TMEM184B: variants seen among roughly 807,000 people sequenced by gnomAD.
The protein encoded by TMEM184B is transmembrane protein 184B.
Under a neutral mutation model 41.8 loss-of-function variants are expected in TMEM184B, and 17 were observed. That is an observed-to-expected ratio of 0.41 (90% CI 0.28 to 0.61). The LOEUF (loss-of-function observed/expected upper bound fraction) is 0.61, where lower values mean the gene tolerates loss of function less well. TMEM184B is among the 20% of genes least tolerant of loss of function. TMEM184B has a pLI of 0.34. For synonymous variants in TMEM184B, 240 were observed against 229.5 expected, an observed-to-expected ratio of 1.05 and a Z score of -0.41; for missense variants, 393 against 557.8, an observed-to-expected ratio of 0.70 and a Z score of 2.98.
intron 1 of TMEM184B, among the ~76,000 whole-genome samples, chr22:38,265,119 C>T (rs1322711392): frequency 6.6e-6 from 1 of 152,216 alleles, no homozygotes. Flanking sequence ...TAGGACCCCA[C>T]ATGCTCTGGG....
chr22:38,270,609 C>G (rs568718776), intron 1 of TMEM184B, among the ~76,000 whole-genome samples: 1 of 152,276 alleles, frequency 6.6e-6, no homozygotes, highest in African/African-American at 2.4e-5. Flanking sequence ...TCGGTGAGTG[C>G]TTACTACCCG....
At position 38,220,432 on chromosome 22, in the gene TMEM184B, G is replaced by A. The variant is rs2091226341; in HGVS notation, c.*1037C>T. The A allele has an allele frequency of 1.0e-6, 1 of 985,884 alleles. No individual in the cohort carries two copies. Among genetic ancestry groups the A allele is most frequent in the Non-Finnish European group, 1.2e-6 (1 of 829,966 alleles). The allele number at this position is 985,884 out of a possible 1,614,324, so 61.1% of individuals were successfully genotyped here. On this transcript the variant is annotated 3_prime_UTR_variant, in exon 9 of 9. Transcript: ENST00000361906. Reference sequence around the variant, plus strand: ...CAGATGGGGTAGAACACCAGGCCCTGTGTGGATAGGGGCCCCGAGAGGAGT... The same window carrying A: ...CAGATGGGGTAGAACACCAGGCCCTATGTGGATAGGGGCCCCGAGAGGAGT...
At chr22:38,252,267 C>T (rs575102217) in intron 1 of TMEM184B, among the ~76,000 whole-genome samples, 3 of 152,220 alleles carry the variant, frequency 2.0e-5, no homozygotes, top group African/African-American at 7.2e-5. Flanking sequence ...TACCATGTTA[C>T]TCACGCTGGT....
Position 38,225,529 on chromosome 22 carries a change from C to A in TMEM184B, c.682G>T (p.Ala228Ser). The change falls in exon 7 of 9, where the codon GCC (alanine) becomes TCC (serine). Residue 228 changes from alanine (A) to serine (S), a missense_variant. Around this residue, in one of 2 missense-constraint regions of TMEM184B, gnomAD observed 271 missense variants for 434.1 expected, o/e 0.62. Transcript: ENST00000361906. The surrounding 1 kb of genome is among the most constrained non-coding windows in gnomAD (Gnocchi z 4.4). ...GTGGCGAAGTAGAAGAGGAAGAGGG[C>A]GTAGAGGGCCAGGCTGACGGAGATG... ...YNISVSLALY[A>S]LFLFYFATRE... 6.2e-7 allele frequency: 1 copy of A among 1,602,654 alleles called. No individual in the cohort carries two copies. The highest frequency in any genetic ancestry group is 8.5e-7 in the Non-Finnish European group (1 of 1,175,574).
In TMEM184B at chr22:38,225,500, C is replaced by G; in HGVS notation, c.711G>C (p.Arg237=). ...YALFLFYFAT[R]ELLSPYSPVL... Reference sequence around the variant, plus strand: ...CGGGGCTGTAGGGGCTGAGCAGCTCCCGGGTGGCGAAGTAGAAGAGGAAGA... The same window carrying G: ...CGGGGCTGTAGGGGCTGAGCAGCTCGCGGGTGGCGAAGTAGAAGAGGAAGA... Residue 237 remains arginine, a synonymous_variant, in exon 7 of 9, where the codon CGG becomes CGC. Coordinates refer to ENST00000361906, the MANE Select transcript of TMEM184B (RefSeq NM_012264.5). The surrounding 1 kb of genome is among the most constrained non-coding windows in gnomAD (Gnocchi z 4.4). 6.3e-7 allele frequency: 1 copy of G among 1,597,680 alleles called. No homozygotes were observed. Among genetic ancestry groups the G allele is most frequent in the Non-Finnish European group, 8.5e-7 (1 of 1,174,276 alleles).
intron 3 of TMEM184B, among the ~76,000 whole-genome samples, chr22:38,241,903 A>AAAAAAAAAAAAAAAAAAAAC (rs2091917714): frequency 2.0e-5 from 3 of 149,884 alleles, no homozygotes; most frequent in Admixed American, 6.6e-5. Context: ...AAAAAAAAAA[A>AAAAAAAAAAAAAAAAAAAAC]AAAAGAACGA....
rs1186621571 is a variant in TMEM184B at position 38,245,138 on chromosome 22, T to C, written c.358+797A>G. Among the ~76,000 whole-genome samples, 3 of 152,286 alleles carry C rather than the reference T, an allele frequency of 2.0e-5. No homozygotes were observed. In the South Asian group the frequency reaches 6.2e-4, roughly 32 times the overall value. Reference sequence around the variant, plus strand: ...ACAAAGCCCTCAGAATTAAGACCCATGGGGACAGAGCCCCAGCCCTGCCAC... The same window carrying C: ...ACAAAGCCCTCAGAATTAAGACCCACGGGGACAGAGCCCCAGCCCTGCCAC... On this transcript the variant is annotated intron_variant, in intron 3 of 8. Coordinates refer to ENST00000361906, the MANE Select transcript of TMEM184B (RefSeq NM_012264.5).
intron 1 of TMEM184B, among the ~76,000 whole-genome samples, chr22:38,264,560 G>A (rs7290882): frequency 0.67 from 101,958 of 152,032 alleles, 34,908 homozygotes; most frequent in African/African-American, 0.8. Context: ...CATTCACTCA[G>A]CTGGCTCTGC....
chr22:38,235,932 C>G (rs1470988293), intron 3 of TMEM184B, among the ~76,000 whole-genome samples: 1 of 152,216 alleles, frequency 6.6e-6, no homozygotes, highest in Admixed American at 6.5e-5. Context: ...TACCAGACCC[C>G]TGGAGAGGCC....
intron 1 of TMEM184B, among the ~76,000 whole-genome samples, chr22:38,266,880 G>A (rs2092450856): frequency 1.3e-5 from 2 of 152,224 alleles, no homozygotes; most frequent in South Asian, 2.1e-4. Context: ...TCAGAAGATC[G>A]AGACCATCCT....
intron 3 of TMEM184B, chr22:38,232,116 T>A (rs1042248836): frequency 1.3e-5 from 2 of 154,720 alleles, no homozygotes; most frequent in East Asian, 1.9e-4. Flanking sequence ...CAAGCAGGAG[T>A]GAGAGGGAAG....
chr22:38,221,559 A>C lies in TMEM184B; in HGVS notation c.1134T>G (p.Gly378=). The C allele has an allele frequency of 6.2e-7, 1 of 1,613,928 alleles. No individual in the cohort carries two copies. Among genetic ancestry groups the C allele is most frequent in the Non-Finnish European group, 8.5e-7 (1 of 1,179,954 alleles). The change falls in exon 9 of 9, where the codon GGT becomes GGG. Residue 378 remains glycine (G), a synonymous_variant. Coordinates refer to ENST00000361906, the MANE Select transcript of TMEM184B (RefSeq NM_012264.5). ...GGGAGCGGGAGAGGCCGTGGGCGCCACCACGCCAGGTGGGCCCAGGCTCCA... is the reference window on the plus strand; with the variant it reads ...GGGAGCGGGAGAGGCCGTGGGCGCCCCCACGCCAGGTGGGCCCAGGCTCCA... ...STLEPGPTWR[G]GAHGLSRSHS...
chr22:38,255,474 G>A (rs532763373), intron 1 of TMEM184B, among the ~76,000 whole-genome samples: 30 of 152,280 alleles, frequency 2.0e-4, no homozygotes, highest in African/African-American at 6.7e-4. Flanking sequence ...GCCTGGCCCC[G>A]GCAGTTTCTT....
Position 38,254,515 on chromosome 22 carries a change from G to A in TMEM184B, c.-58-6496C>T, listed in dbSNP as rs144182530. ...CTCGGGAGGCTGAGGCAGAACAATC[G>A]CTTGAACCCGGGAGGTGGAGCTTGC... On this transcript the variant is annotated intron_variant, in intron 1 of 8. Transcript: ENST00000361906. 3.3e-3 allele frequency among the ~76,000 whole-genome samples: 496 copies of A among 152,106 alleles called. 4 individuals carry two copies. The highest frequency in any genetic ancestry group is 5.7e-3 in the African/African-American group (235 of 41,498).
chr22:38,239,458 A>T lies in TMEM184B; in HGVS notation c.358+6477T>A, dbSNP rs1162402220. 1 of 151,912 alleles carries T rather than the reference A, an allele frequency of 6.6e-6. No individual in the cohort carries two copies. Among genetic ancestry groups the T allele is most frequent in the Non-Finnish European group, 1.5e-5 (1 of 67,992 alleles). 9.4% of individuals were successfully genotyped at this position (151,912 alleles called of 1,614,324 possible). On this transcript the variant is annotated intron_variant, in intron 3 of 8. Transcript: ENST00000361906. The surrounding 1 kb of genome is among the most constrained non-coding windows in gnomAD (Gnocchi z 4.6). ...CCAAGCGACATCAACAAAGCTCTGA[A>T]CGCCACATGCCCACCGCTCCATGGT...
intron 3 of TMEM184B, among the ~76,000 whole-genome samples, chr22:38,233,307 C>T (rs1016106909): frequency 3.3e-5 from 5 of 152,136 alleles, no homozygotes; most frequent in Non-Finnish European, 5.9e-5. Context: ...CAGAGGTATG[C>T]GATGTGTGTG....
intron 3 of TMEM184B, chr22:38,231,721 C>T (rs2091629964): frequency 2.6e-6 from 1 of 377,730 alleles, no homozygotes; most frequent in Non-Finnish European, 5.1e-6. Context: ...ATTAGTTTTT[C>T]CGGGCGCAGT....
chr22:38,269,893 C>T (rs368414482), intron 1 of TMEM184B, among the ~76,000 whole-genome samples: 5 of 152,076 alleles, frequency 3.3e-5, no homozygotes, highest in African/African-American at 1.2e-4. Context: ...TGTAGGAAAG[C>T]CAACGGAACA....
intron 1 of TMEM184B, among the ~76,000 whole-genome samples, chr22:38,269,796 C>T: frequency 6.6e-6 from 1 of 152,144 alleles, no homozygotes; most frequent in East Asian, 1.9e-4. Flanking sequence ...CCAGAACCTG[C>T]CCTGAGTCAC....
Sources: gnomAD v4.1 joint callset for allele counts (sites outside exome capture counted in the v4.1 genomes callset) on GRCh38, gnomAD v4.1.1 for gene constraint, gnomAD v4.1.1 regional missense constraint, Gnocchi (gnomAD v3.1) non-coding constraint, MANE v1.5 for transcripts, NCBI Gene and HGNC (gene_info 2026-07-23, HGNC 2026-07-21) for gene names.